Variants in CELF2 observed in about 807,000 individuals in gnomAD.
CELF2 encodes CUGBP Elav-like family member 2, also known as CUG triplet repeat RNA-binding protein 2.
A neutral mutation model predicts 62.6 loss-of-function variants in CELF2; 8 were observed. The ratio of observed to expected loss-of-function variants is 0.13; its 90% confidence interval spans 0.07 to 0.23. The LOEUF (loss-of-function observed/expected upper bound fraction) is 0.23. CELF2 is among the 10% of genes least tolerant of loss of function. CELF2 has a pLI of 1.00. For synonymous variants in CELF2, 258 were observed against 250.0 expected (o/e 1.03, Z -0.30); for missense variants, 333 against 671.0 (o/e 0.50, Z 5.56).
the CELF2 span, among the ~76,000 whole-genome samples, chr10:10,702,427 C>T: frequency 6.6e-6 from 1 of 152,162 alleles, no homozygotes; most frequent in Non-Finnish European, 1.5e-5. Flanking sequence ...GCCTGCCAGT[C>T]CAAATAAATC....
At chr10:10,488,145 A>G in the CELF2 span, among the ~76,000 whole-genome samples, 7 of 152,270 alleles carry the variant, frequency 4.6e-5, no homozygotes, top group South Asian at 2.1e-4. Flanking sequence ...CTTGATTTAT[A>G]ATTTATTTTG....
rs530846779 is a variant in CELF2 at position 11,123,602 on chromosome 10, G to A, written c.75-41884G>A. Among the ~76,000 whole-genome samples the A allele has an allele frequency of 2.4e-3, 372 of 152,270 alleles. 4 individuals are homozygous for A. Among genetic ancestry groups the A allele is most frequent in the African/African-American group, 8.4e-3 (350 of 41,550 alleles). ...GTTAAGAGTTGGGTGATAATCCTCTGTGATGTTAGTGAGTCTCTGGGGCTG... is the reference window on the plus strand; with the variant it reads ...GTTAAGAGTTGGGTGATAATCCTCTATGATGTTAGTGAGTCTCTGGGGCTG... On this transcript the variant is annotated intron_variant, in intron 1 of 12. Coordinates refer to ENST00000633077, the MANE Select transcript of CELF2 (RefSeq NM_001326342.2).
At chr10:11,181,572 T>C (rs1024862411) in intron 2 of CELF2, among the ~76,000 whole-genome samples, 1 of 152,250 alleles carries the variant, frequency 6.6e-6, no homozygotes. Flanking sequence ...GCATATGCCA[T>C]TGCATCCATA....
In CELF2 at chr10:11,165,335, T is replaced by G; in HGVS notation, c.75-151T>G. ...AACTCATGGTGCCTCCGCTTTGTTT[T>G]AGTTCATCAAATTTCTACGACTCAT... is the stretch of plus-strand genomic sequence containing the variant. On this transcript the variant is annotated intron_variant, in intron 1 of 12. Transcript: ENST00000633077. The surrounding 1 kb of genome is among the most constrained non-coding windows in gnomAD (Gnocchi z 7.4). The G allele has an allele frequency of 6.9e-7, 1 of 1,448,042 alleles. No homozygotes were observed. The highest frequency in any genetic ancestry group is 1.5e-5 in the South Asian group (1 of 68,436). 89.7% of individuals were successfully genotyped at this position (1,448,042 alleles called of 1,614,324 possible).
chr10:11,115,322 C>T (rs11256986), intron 1 of CELF2, among the ~76,000 whole-genome samples: 1 of 152,208 alleles, frequency 6.6e-6, no homozygotes, highest in Non-Finnish European at 1.5e-5. Context: ...GGCCCAGCAG[C>T]TGCAAAGAAC....
At chr10:11,066,861 C>T (rs1405450044) in intron 1 of CELF2, among the ~76,000 whole-genome samples, 3 of 152,242 alleles carry the variant, frequency 2.0e-5, no homozygotes, top group Middle Eastern at 6.8e-3. Flanking sequence ...GCAAGAACCC[C>T]AGCTCCTGCT....
chr10:10,560,483 T>C, the CELF2 span, among the ~76,000 whole-genome samples: 91,843 of 151,962 alleles, frequency 0.6, 28,489 homozygotes, highest in East Asian at 0.82. Context: ...TATTCTCAGA[T>C]CCATCCTACC....
At chr10:11,130,454 C>A (rs2059447448) in intron 1 of CELF2, among the ~76,000 whole-genome samples, 1 of 152,196 alleles carries the variant, frequency 6.6e-6, no homozygotes, top group Non-Finnish European at 1.5e-5. Context: ...TACTGGGATG[C>A]CCCATAGCAC....
At chr10:10,494,052 G>T in the CELF2 span, among the ~76,000 whole-genome samples, 1 of 152,174 alleles carries the variant, frequency 6.6e-6, no homozygotes, top group East Asian at 1.9e-4. Context: ...TCTCTGAGAA[G>T]TTTACACTAA....
the CELF2 span, among the ~76,000 whole-genome samples, chr10:10,589,099 A>G: frequency 1.3e-3 from 203 of 152,286 alleles, no homozygotes; most frequent in African/African-American, 4.7e-3. Context: ...AGGAGACATC[A>G]ATTAATAGAT....
chr10:11,246,827 TG>T lies in CELF2; in HGVS notation c.355-2324del, dbSNP rs1377315632. On this transcript the variant is annotated intron_variant, in intron 3 of 12. Coordinates refer to ENST00000633077, the MANE Select transcript of CELF2 (RefSeq NM_001326342.2). The surrounding 1 kb of genome is among the most constrained non-coding windows in gnomAD (Gnocchi z 4.6). The stretch of plus-strand genomic sequence containing the variant: ...CTGTCACGCTAAGGAACATTCTCTG[TG>T]GCCCTGGCCCGTCTCTCGAGCCTGA... Among the ~76,000 whole-genome samples the T allele has an allele frequency of 6.6e-6, 1 of 152,234 alleles. No individual in the cohort carries two copies. Among genetic ancestry groups the T allele is most frequent in the East Asian group, 1.9e-4 (1 of 5,202 alleles).
intron 4 of CELF2, among the ~76,000 whole-genome samples, chr10:11,249,606 C>T (rs1013900268): frequency 2.0e-5 from 3 of 152,042 alleles, no homozygotes; most frequent in African/African-American, 4.8e-5. Flanking sequence ...GGGGGAGGGG[C>T]GTTGGTTTTT....
At chr10:10,963,607 G>A (rs11256937) in intron 2 of CELF2, among the ~76,000 whole-genome samples, 2 of 152,120 alleles carry the variant, frequency 1.3e-5, no homozygotes, top group African/African-American at 4.8e-5. Flanking sequence ...TCTTTTCATA[G>A]CTCCCCTATG....
At chr10:11,293,466 A>G (rs1290480807) in intron 9 of CELF2, among the ~76,000 whole-genome samples, 1 of 152,196 alleles carries the variant, frequency 6.6e-6, no homozygotes, top group Non-Finnish European at 1.5e-5. Context: ...CGTATTGCTG[A>G]GTAAGTTCCT....
the CELF2 span, among the ~76,000 whole-genome samples, chr10:10,785,228 G>A: frequency 6.6e-6 from 1 of 152,104 alleles, no homozygotes; most frequent in Non-Finnish European, 1.5e-5. Context: ...AGCATCACCT[G>A]GAAGTTTTAA....
intron 2 of CELF2, among the ~76,000 whole-genome samples, chr10:10,959,135 C>T (rs766646279): frequency 7.2e-5 from 11 of 152,146 alleles, no homozygotes; most frequent in Non-Finnish European, 1.3e-4. Flanking sequence ...GTAGCTACCA[C>T]GCTACCAAGC....
intron 2 of CELF2, among the ~76,000 whole-genome samples, chr10:11,202,947 C>CTG (rs2059601706): frequency 1.9e-5 from 1 of 52,630 alleles, no homozygotes; most frequent in Non-Finnish European, 4.4e-5. Flanking sequence ...CTCTCTCTCT[C>CTG]TCTCTGTGTG....
intron 1 of CELF2, among the ~76,000 whole-genome samples, chr10:10,870,705 C>G (rs1411170430): frequency 6.6e-6 from 1 of 151,950 alleles, no homozygotes; most frequent in Non-Finnish European, 1.5e-5. Flanking sequence ...TTTTTAAAAC[C>G]TCAACCTTAA....
In CELF2 at chr10:11,268,266, A is replaced by G. The variant is rs1411390737; in HGVS notation, c.618+1589A>G. 6.6e-6 allele frequency among the ~76,000 whole-genome samples: 1 copy of G among 152,166 alleles called. No homozygotes were observed. The highest frequency in any genetic ancestry group is 2.4e-5 in the African/African-American group (1 of 41,450). On this transcript the variant is annotated intron_variant, in intron 6 of 12. Transcript: ENST00000633077. The surrounding 1 kb of genome is among the most constrained non-coding windows in gnomAD (Gnocchi z 4.7). ...AAACTCTTTACTTGTATTATCTTCCATATACGCGTTTCATTCTTATTTTTA... is the reference window on the plus strand; with the variant it reads ...AAACTCTTTACTTGTATTATCTTCCGTATACGCGTTTCATTCTTATTTTTA...
Sources: allele counts gnomAD v4.1 joint callset (sites outside exome capture counted in the v4.1 genomes callset), GRCh38; gene constraint gnomAD v4.1.1; non-coding constraint Gnocchi (gnomAD v3.1); transcripts MANE v1.5; gene names NCBI Gene and HGNC (gene_info 2026-07-23, HGNC 2026-07-21).